SYN3: variants seen among roughly 807,000 people sequenced by gnomAD.
SYN3 encodes synapsin III.
In SYN3, 35 loss-of-function variants were observed where a neutral mutation model predicts 65.8. That is an observed-to-expected ratio of 0.53 (90% CI 0.41 to 0.70). The LOEUF (loss-of-function observed/expected upper bound fraction) is 0.70, where lower values mean the gene tolerates loss of function less well. Among genes scored for constraint, SYN3 ranks in the 30% least tolerant of loss-of-function variants. The probability of loss-of-function intolerance (pLI) is 0.00; values close to 1 mark genes in which losing one functional copy is unlikely to be tolerated. For synonymous variants in SYN3, 270 were observed against 292.9 expected, an observed-to-expected ratio of 0.92 and a Z score of 0.80; for missense variants, 680 against 749.0, an observed-to-expected ratio of 0.91 and a Z score of 1.08.
chr22:32,710,098 C>CGTGT (rs2060937647), intron 6 of SYN3, among the ~76,000 whole-genome samples: 13 of 129,620 alleles, frequency 1.0e-4, no homozygotes, highest in African/African-American at 3.6e-4. Flanking sequence ...CACACACACA[C>CGTGT]ATGTGTGTGT....
chr22:32,697,400 T>C (rs1369894002), intron 6 of SYN3, among the ~76,000 whole-genome samples: 1 of 152,244 alleles, frequency 6.6e-6, no homozygotes, highest in Non-Finnish European at 1.5e-5. Context: ...TTCATAACAC[T>C]GAGATAATTA....
intron 6 of SYN3, among the ~76,000 whole-genome samples, chr22:32,716,091 C>G (rs1023012655): frequency 2.6e-5 from 4 of 152,174 alleles, no homozygotes; most frequent in African/African-American, 9.7e-5. Context: ...AGAGCCCACA[C>G]AAAGATGTGG....
intron 4 of SYN3, among the ~76,000 whole-genome samples, chr22:32,888,058 T>C (rs137508): frequency 0.98 from 149,436 of 152,282 alleles, 73,332 homozygotes; most frequent in East Asian, 1. Flanking sequence ...TTTTTATTTT[T>C]ATTTCCCTGA....
intron 7 of SYN3, among the ~76,000 whole-genome samples, chr22:32,571,711 GTTC>G (rs1361771176): frequency 6.6e-6 from 1 of 152,126 alleles, no homozygotes; most frequent in African/African-American, 2.4e-5. Context: ...ATGAATGAAA[GTTC>G]TTCTCTGCCA....
intron 6 of SYN3, among the ~76,000 whole-genome samples, chr22:32,601,434 C>T (rs571360903): frequency 2.6e-4 from 39 of 152,214 alleles, no homozygotes; most frequent in Admixed American, 1.9e-3. Context: ...CCCGCCACCA[C>T]GCCCGGCTAA....
intron 6 of SYN3, among the ~76,000 whole-genome samples, chr22:32,699,587 G>A (rs763401098): frequency 1.5e-5 from 1 of 66,570 alleles, no homozygotes; most frequent in Non-Finnish European, 2.9e-5. Flanking sequence ...GTGTGACCTT[G>A]ACCAAGTCAC....
At chr22:32,627,816 T>TTTG (rs2059689948) in intron 6 of SYN3, among the ~76,000 whole-genome samples, 1 of 151,334 alleles carries the variant, frequency 6.6e-6, no homozygotes, top group African/African-American at 2.5e-5. Flanking sequence ...GGAGCATTTT[T>TTTG]TTTGTTTGTT....
At chr22:32,527,838 G>T in intron 12 of SYN3, 80 bp downstream of exon 12, 1 of 1,228,994 alleles carries the variant, frequency 8.1e-7, no homozygotes, top group Non-Finnish European at 1.2e-6. Context: ...AGCCCCTTGT[G>T]GGAATCACAT....
chr22:32,792,960 A>G (rs2046354721), intron 6 of SYN3, among the ~76,000 whole-genome samples: 2 of 152,188 alleles, frequency 1.3e-5, no homozygotes, highest in Non-Finnish European at 2.9e-5. Context: ...TGAACATGCA[A>G]TTTAACTTCT....
chr22:32,540,268 G>T (rs1483733905), intron 8 of SYN3, among the ~76,000 whole-genome samples: 1 of 152,236 alleles, frequency 6.6e-6, no homozygotes, highest in Non-Finnish European at 1.5e-5. Context: ...GTGCATGGCT[G>T]TGATCAACAG....
intron 7 of SYN3, among the ~76,000 whole-genome samples, chr22:32,560,007 A>C (rs971625257): frequency 1.3e-5 from 2 of 152,230 alleles, no homozygotes; most frequent in African/African-American, 4.8e-5. Context: ...GGGAAGGGCA[A>C]AACGCCTCCA....
chr22:32,825,173 G>A (rs909346351), intron 6 of SYN3, among the ~76,000 whole-genome samples: 1 of 152,138 alleles, frequency 6.6e-6, no homozygotes, highest in Non-Finnish European at 1.5e-5. Flanking sequence ...GGGTGAGCTC[G>A]TGGGAACTGA....
At chr22:32,550,700 C>CAA (rs135481) in intron 7 of SYN3, among the ~76,000 whole-genome samples, 50,699 of 148,168 alleles carry the variant, frequency 0.34, 8,889 homozygotes, top group East Asian at 0.57. Context: ...CTAGAAATGG[C>CAA]AAAAAAAAAA....
chr22:32,712,680 C>T (rs891515769), intron 6 of SYN3, among the ~76,000 whole-genome samples: 2 of 152,172 alleles, frequency 1.3e-5, no homozygotes, highest in South Asian at 2.1e-4. Flanking sequence ...GCTGGCAGGG[C>T]TTGACCTCTG....
intron 7 of SYN3, among the ~76,000 whole-genome samples, chr22:32,567,041 T>C (rs1452892860): frequency 1.3e-5 from 2 of 151,934 alleles, no homozygotes; most frequent in Non-Finnish European, 2.9e-5. Flanking sequence ...TCTTCTTTGA[T>C]GGGAAGGACG....
intron 6 of SYN3, among the ~76,000 whole-genome samples, chr22:32,770,372 C>T (rs754676085): frequency 2.6e-5 from 4 of 152,078 alleles, no homozygotes; most frequent in Non-Finnish European, 5.9e-5. Context: ...TCCCATCTCC[C>T]ACTGAATAAA....
Position 32,513,788 on chromosome 22 carries a change from G to C in SYN3, c.1647C>G (p.Ser549=). The C allele has an allele frequency of 6.2e-7, 1 of 1,614,162 alleles. No individual in the cohort carries two copies. Among genetic ancestry groups the C allele is most frequent in the Non-Finnish European group, 8.5e-7 (1 of 1,180,042 alleles). Residue 549 remains serine, a synonymous_variant, in exon 14 of 14, where the codon TCC becomes TCG. Coordinates refer to ENST00000358763, the MANE Select transcript of SYN3 (RefSeq NM_003490.4). The part of the protein sequence containing the change: ...SQSLTNSLST[S]DTSQRGTPSE... ...TTGGGGTCCCACGCTGGGAGGTGTC[G>C]GATGTGCTGAGGCTGTTAGTCAGGG...
intron 6 of SYN3, among the ~76,000 whole-genome samples, chr22:32,613,906 A>G (rs377691151): frequency 7.9e-5 from 12 of 152,308 alleles, no homozygotes; most frequent in African/African-American, 2.9e-4. Flanking sequence ...GCTGCAAAAC[A>G]CAGTGAGCAC....
intron 5 of SYN3, among the ~76,000 whole-genome samples, chr22:32,865,543 T>C (rs572019830): frequency 2.1e-4 from 32 of 152,340 alleles, no homozygotes; most frequent in African/African-American, 6.5e-4. Context: ...ATACAGTGTG[T>C]CAGAGGCAGT....
Sources: gnomAD v4.1 joint callset for allele counts (sites outside exome capture counted in the v4.1 genomes callset) on GRCh38, gnomAD v4.1.1 for gene constraint, MANE v1.5 for transcripts, NCBI Gene and HGNC (gene_info 2026-07-23, HGNC 2026-07-21) for gene names.